MED13L: variants seen among roughly 807,000 people sequenced by gnomAD.
The protein encoded by MED13L is mediator complex subunit 13L, also known as mediator of RNA polymerase II transcription subunit 13-like.
MED13L carries 7 observed loss-of-function variants against 220.9 expected under a neutral mutation model. That is an observed-to-expected ratio of 0.03 (90% CI 0.02 to 0.06). MED13L has a LOEUF of 0.06. MED13L is among the 10% of genes least tolerant of loss of function. MED13L has a pLI of 1.00. For synonymous variants in MED13L, 1,011 were observed against 1,015.2 expected (o/e 1.00, Z 0.08); for missense variants, 1,965 against 2,760.5 (o/e 0.71, Z 6.46).
chr12:115,978,626 C>G (rs1877120584), intron 23 of MED13L, among the ~76,000 whole-genome samples: 1 of 152,114 alleles, frequency 6.6e-6, no homozygotes, highest in African/African-American at 2.4e-5. Context: ...CGCGCCCGGC[C>G]TGAACTGTAA....
Position 116,251,308 on chromosome 12 carries a change from CTTT to C in MED13L, c.73-13606_73-13604del, listed in dbSNP as rs61533775. On this transcript the variant is annotated intron_variant, in intron 1 of 30. Transcript: ENST00000281928. ...AAGGCAGAGATTCTCATCATGGATC[CTTT>C]TTTTTTTTTTTTTTTTTTTTTTTGT... Among the ~76,000 whole-genome samples the C allele has an allele frequency of 9.9e-3, 872 of 87,726 alleles. 2 individuals are homozygous for C. The highest frequency in any genetic ancestry group is 0.035 in the African/African-American group (777 of 22,198). The allele number at this position is 87,726 out of a possible 152,430, so 57.6% of individuals were successfully genotyped here. A position where few individuals can be genotyped will look rare whatever the true frequency, so the allele number is the denominator to read the frequency against.
intron 1 of MED13L, chr12:116,276,583 G>A (rs1301192416): frequency 9.0e-6 from 11 of 1,223,354 alleles, no homozygotes; most frequent in South Asian, 4.1e-5. Context: ...GGGCGAAATT[G>A]CAGGTGTCAT....
intron 2 of MED13L, among the ~76,000 whole-genome samples, chr12:116,118,877 T>C (rs1366840558): frequency 6.6e-6 from 1 of 152,198 alleles, no homozygotes; most frequent in Non-Finnish European, 1.5e-5. Context: ...TTTGAAACTT[T>C]GCAGAATAGC....
rs1218041436 is a variant in MED13L at position 116,059,011 on chromosome 12, T to C, written c.480-36410A>G. ...AAAGGTTTCCATTTATACATTGATA[T>C]GTAATAGATTTAATGGAATGAAAGT... On this transcript the variant is annotated intron_variant, in intron 4 of 30. Transcript: ENST00000281928. 5.9e-5 allele frequency among the ~76,000 whole-genome samples: 9 copies of C among 152,366 alleles called. No homozygotes were observed. The South Asian group carries it at 1.9e-3, about 32-fold the overall frequency.
chr12:116,049,442 C>T (rs150677972), intron 4 of MED13L, among the ~76,000 whole-genome samples: 1 of 152,262 alleles, frequency 6.6e-6, no homozygotes, highest in East Asian at 1.9e-4. Flanking sequence ...ATACTGAGTA[C>T]ACTTCTTTCA....
intron 1 of MED13L, among the ~76,000 whole-genome samples, chr12:116,259,686 A>G (rs1316373429): frequency 6.6e-6 from 1 of 152,158 alleles, no homozygotes; most frequent in East Asian, 1.9e-4. Context: ...CTGTTTATCT[A>G]TTCAATATCT....
At chr12:116,016,385 A>G (rs889248968) in intron 7 of MED13L, among the ~76,000 whole-genome samples, 9 of 152,192 alleles carry the variant, frequency 5.9e-5, no homozygotes, top group Non-Finnish European at 1.3e-4. Flanking sequence ...TACAAATGAG[A>G]TAAGAAATTT....
intron 1 of MED13L, among the ~76,000 whole-genome samples, chr12:116,250,025 T>TAAAAAAAAAAAAAAAAAAC (rs1871383906): frequency 2.5e-5 from 1 of 40,462 alleles, no homozygotes; most frequent in Non-Finnish European, 4.2e-5. Context: ...CAGCATAAAC[T>TAAAAAAAAAAAAAAAAAAC]AAAAAAAAAA....
intron 4 of MED13L, among the ~76,000 whole-genome samples, chr12:116,090,210 C>T (rs1436808565): frequency 6.6e-6 from 1 of 152,188 alleles, no homozygotes; most frequent in East Asian, 1.9e-4. Context: ...GGGAAAGTGG[C>T]TTTTGGCTAA....
At chr12:116,233,859 T>C (rs1236289830) in intron 2 of MED13L, among the ~76,000 whole-genome samples, 1 of 152,194 alleles carries the variant, frequency 6.6e-6, no homozygotes, top group Non-Finnish European at 1.5e-5. Context: ...CAAGTGTTTA[T>C]CCAAGTGACA....
chr12:116,192,343 G>T (rs555146076), intron 2 of MED13L, among the ~76,000 whole-genome samples: 2 of 152,280 alleles, frequency 1.3e-5, no homozygotes, highest in Non-Finnish European at 2.9e-5. Flanking sequence ...GAAGAAAAAT[G>T]TAACACAATT....
chr12:116,156,313 A>G (rs928104054), intron 2 of MED13L, among the ~76,000 whole-genome samples: 4 of 151,386 alleles, frequency 2.6e-5, no homozygotes, highest in African/African-American at 7.3e-5. Flanking sequence ...GAGTACATCC[A>G]TTAGGATTCC....
intron 1 of MED13L, among the ~76,000 whole-genome samples, chr12:116,248,231 A>G (rs139459142): frequency 6.6e-6 from 1 of 152,356 alleles, no homozygotes; most frequent in African/African-American, 2.4e-5. Flanking sequence ...GAAGTTATTT[A>G]GTCTTCTGTT....
chr12:116,008,951 G>A lies in MED13L; in HGVS notation c.1462C>T (p.His488Tyr). The A allele has an allele frequency of 6.2e-7, 1 of 1,614,136 alleles. No individual in the cohort carries two copies. Among genetic ancestry groups the A allele is most frequent in the Non-Finnish European group, 8.5e-7 (1 of 1,180,000 alleles). ...TCTTCGGCCACAGAGGGCCTATGGT[G>A]AAATGGTATTAAGGGTCTCTTTTGC... is the stretch of plus-strand genomic sequence containing the variant. ...KLQKRPLIPF[H>Y]HRPSVAEELC... The change falls in exon 10 of 31, where the codon CAC (histidine) becomes TAC (tyrosine). Residue 488 changes from histidine (H) to tyrosine (Y), a missense_variant. Coordinates refer to ENST00000281928, the MANE Select transcript of MED13L (RefSeq NM_015335.5).
Position 116,247,705 on chromosome 12 carries a change from A to G in MED13L, c.73-10000T>C, listed in dbSNP as rs547685241. 9.2e-4 allele frequency among the ~76,000 whole-genome samples: 140 copies of G among 152,344 alleles called. 1 individual carries two copies. Among genetic ancestry groups the G allele is most frequent in the Admixed American group, 3.7e-3 (56 of 15,306 alleles). On this transcript the variant is annotated intron_variant, in intron 1 of 30. Transcript: ENST00000281928. ...GATGCTAACGTATATATATATACAC[A>G]CACATATGCATATGTGCTGATTCAT...
intron 2 of MED13L, among the ~76,000 whole-genome samples, chr12:116,149,763 T>C (rs1327852432): frequency 6.6e-6 from 1 of 152,002 alleles, no homozygotes; most frequent in African/African-American, 2.4e-5. Context: ...AAAATAAGAG[T>C]TAGGCATTGA....
In MED13L at chr12:115,969,804, A is replaced by G. The variant is rs565945138; in HGVS notation, c.6068-707T>C. On this transcript the variant is annotated intron_variant, in intron 27 of 30. Coordinates refer to ENST00000281928, the MANE Select transcript of MED13L (RefSeq NM_015335.5). ...CTCCCAAAGTGCTAGGATTACAGGCATAAGCCACCGTGCCTGGCCCAGCAT... is the reference window on the plus strand; with the variant it reads ...CTCCCAAAGTGCTAGGATTACAGGCGTAAGCCACCGTGCCTGGCCCAGCAT... Among the ~76,000 whole-genome samples the G allele has an allele frequency of 7.2e-5, 11 of 152,262 alleles. No individual in the cohort carries two copies. In the South Asian group the frequency reaches 2.3e-3, roughly 32 times the overall value.
intron 2 of MED13L, among the ~76,000 whole-genome samples, chr12:116,209,058 G>GC (rs1230006086): frequency 1.3e-5 from 2 of 151,912 alleles, no homozygotes; most frequent in Admixed American, 6.6e-5. Context: ...AAATATTAAA[G>GC]CCCCCCATCA....
intron 2 of MED13L, among the ~76,000 whole-genome samples, chr12:116,122,515 A>G (rs1875189420): frequency 6.6e-6 from 1 of 152,198 alleles, no homozygotes; most frequent in Non-Finnish European, 1.5e-5. Flanking sequence ...ATTCAGTATC[A>G]CTTAACAAAT....
Sources: gnomAD v4.1 joint callset for allele counts (sites outside exome capture counted in the v4.1 genomes callset) on GRCh38, gnomAD v4.1.1 for gene constraint, MANE v1.5 for transcripts, NCBI Gene and HGNC (gene_info 2026-07-23, HGNC 2026-07-21) for gene names.